SLC16A9: variants seen among roughly 807,000 people sequenced by gnomAD.
SLC16A9 encodes the protein monocarboxylate transporter 9.
In SLC16A9, 26 loss-of-function variants were observed where a neutral mutation model predicts 44.3. The ratio of observed to expected loss-of-function variants is 0.59; its 90% CI spans 0.43 to 0.81. The LOEUF is 0.81. Ranked by LOEUF, SLC16A9 falls within the 40% of genes least tolerant of loss-of-function variation. The pLI is 0.00. For synonymous variants in SLC16A9, 230 were observed against 225.1 expected, an observed-to-expected ratio of 1.02 and a Z score of -0.19; for missense variants, 559 against 595.8, an observed-to-expected ratio of 0.94 and a Z score of 0.64.
At chr10:59,669,610 C>T (rs1225945520) in intron 3 of SLC16A9, among the ~76,000 whole-genome samples, 4 of 152,076 alleles carry the variant, frequency 2.6e-5, no homozygotes, top group African/African-American at 9.7e-5. Context: ...CCCAAGACCA[C>T]GGATCACCTG....
Position 59,652,686 on chromosome 10 carries a change from G to C in SLC16A9, c.*86C>G. The C allele has an allele frequency of 7.9e-7, 1 of 1,267,552 alleles. No homozygotes were observed. Among genetic ancestry groups the C allele is most frequent in the Middle Eastern group, 2.2e-4 (1 of 4,536 alleles). The allele number at this position is 1,267,552 out of a possible 1,614,324, so 78.5% of individuals were successfully genotyped here. A position where few individuals can be genotyped will look rare whatever the true frequency, so the allele number is the denominator to read the frequency against. On this transcript the variant is annotated 3_prime_UTR_variant, in exon 6 of 6. Coordinates refer to ENST00000395348, the MANE Select transcript of SLC16A9 (RefSeq NM_194298.3). ...AATTTTGCTATGAGAAAATAGTCTT[G>C]ACTCTAGAAAATTTGCTTGAGAATC...
rs1839225207 is a variant in SLC16A9 at position 59,652,464 on chromosome 10, T to G, written c.*308A>C. 2 of 204,090 alleles carry G rather than the reference T, an allele frequency of 9.8e-6. No homozygotes were observed. 12.6% of individuals were successfully genotyped at this position (204,090 alleles called of 1,614,324 possible). A position where few individuals can be genotyped will look rare whatever the true frequency, so the allele number is the denominator to read the frequency against. ...AGTCGGCAGAGAAATTATACTTCTTTACACAGAGAAAGCCTTCTGAGGCTG... is the reference window on the plus strand; with the variant it reads ...AGTCGGCAGAGAAATTATACTTCTTGACACAGAGAAAGCCTTCTGAGGCTG... On this transcript the variant is annotated 3_prime_UTR_variant, in exon 6 of 6. Transcript: ENST00000395348.
At chr10:59,681,513 GTATATGTA>G (rs60664650) in intron 2 of SLC16A9, among the ~76,000 whole-genome samples, 1 of 116,378 alleles carries the variant, frequency 8.6e-6, no homozygotes, top group African/African-American at 3.3e-5. Flanking sequence ...TGTATATGAT[GTATATGTA>G]TATGTGTATG....
chr10:59,658,111 C>A (rs927572390), intron 4 of SLC16A9, among the ~76,000 whole-genome samples: 2 of 152,122 alleles, frequency 1.3e-5, no homozygotes, highest in African/African-American at 4.8e-5. Context: ...TTGTCTTAAC[C>A]CAGACATTCC....
intron 1 of SLC16A9, among the ~76,000 whole-genome samples, chr10:59,706,507 A>G (rs1208999161): frequency 1.3e-5 from 2 of 152,192 alleles, no homozygotes; most frequent in African/African-American, 4.8e-5. Flanking sequence ...TATATACCCA[A>G]AGGAAAGCAT....
chr10:59,654,965 C>A (rs1016748302), intron 4 of SLC16A9, among the ~76,000 whole-genome samples: 1 of 152,120 alleles, frequency 6.6e-6, no homozygotes, highest in Admixed American at 6.5e-5. Flanking sequence ...GATTCACACT[C>A]AGTCAGTTTG....
At chr10:59,678,732 A>T (rs1411747322) in intron 2 of SLC16A9, among the ~76,000 whole-genome samples, 3 of 139,668 alleles carry the variant, frequency 2.1e-5, no homozygotes, top group Non-Finnish European at 4.6e-5. Context: ...TTTAGTAGAG[A>T]CGGGTTTTCA....
At chr10:59,677,996 C>T (rs1450594418) in intron 2 of SLC16A9, among the ~76,000 whole-genome samples, 1 of 151,458 alleles carries the variant, frequency 6.6e-6, no homozygotes, top group African/African-American at 2.4e-5. Context: ...CTAACTCGCC[C>T]TCTAGCATTA....
chr10:59,658,369 C>A (rs1202085881), intron 4 of SLC16A9, among the ~76,000 whole-genome samples: 1 of 151,884 alleles, frequency 6.6e-6, no homozygotes, highest in Non-Finnish European at 1.5e-5. Flanking sequence ...CCATTTGTTA[C>A]TCATAAAAAT....
chr10:59,706,580 T>G (rs1356449091), intron 1 of SLC16A9, among the ~76,000 whole-genome samples: 1 of 151,090 alleles, frequency 6.6e-6, no homozygotes, highest in South Asian at 2.1e-4. Context: ...AGCCAAGATA[T>G]GGAATCAACC....
In SLC16A9 at chr10:59,660,772, A is replaced by G. The variant is rs1000126693; in HGVS notation, c.436+3455T>C. Among the ~76,000 whole-genome samples, 13 of 152,184 alleles carry G rather than the reference A, an allele frequency of 8.5e-5. 1 individual carries two copies. The highest frequency in any genetic ancestry group is 2.7e-4 in the African/African-American group (11 of 41,450). On this transcript the variant is annotated intron_variant, in intron 4 of 5. Transcript: ENST00000395348. ...TTCCTCAATAAAATACTGGCAAACC[A>G]AATCCAGCAGCACGTTAAAAAGCTT...
chr10:59,681,696 A>ATATATGTATATGTATATGTATATGATG lies in SLC16A9; in HGVS notation c.196+2373_196+2399dup, dbSNP rs1564705852. Among the ~76,000 whole-genome samples the ATATATGTATATGTATATGTATATGATG allele has an allele frequency of 7.5e-4, 28 of 37,218 alleles. 13 individuals are homozygous for ATATATGTATATGTATATGTATATGATG. Among genetic ancestry groups the ATATATGTATATGTATATGTATATGATG allele is most frequent in the African/African-American group, 4.1e-3 (26 of 6,366 alleles). The allele number at this position is 37,218 out of a possible 152,430, so 24.4% of individuals were successfully genotyped here. The stretch of plus-strand genomic sequence containing the variant: ...TGTATATGTATATGTATATGTATAT[A>ATATATGTATATGTATATGTATATGATG]TATATGTATATGTATATGTATATGA... On this transcript the variant is annotated intron_variant, in intron 2 of 5. Coordinates refer to ENST00000395348, the MANE Select transcript of SLC16A9 (RefSeq NM_194298.3).
intron 2 of SLC16A9, among the ~76,000 whole-genome samples, chr10:59,679,541 A>G (rs1159358928): frequency 3.3e-5 from 5 of 152,190 alleles, no homozygotes; most frequent in African/African-American, 1.2e-4. Context: ...CTTTTGGGAA[A>G]GCTCATTTCT....
intron 1 of SLC16A9, among the ~76,000 whole-genome samples, chr10:59,704,890 T>TAC (rs1242556211): frequency 6.6e-6 from 1 of 152,228 alleles, no homozygotes; most frequent in East Asian, 1.9e-4. Flanking sequence ...CATACTTTAG[T>TAC]ATGTCATGTA....
chr10:59,664,550 A>G (rs1839565200), intron 3 of SLC16A9, among the ~76,000 whole-genome samples: 1 of 152,184 alleles, frequency 6.6e-6, no homozygotes, highest in African/African-American at 2.4e-5. Flanking sequence ...GTAAAAAAGT[A>G]TCCAATTTCT....
chr10:59,678,273 C>G (rs1385009475), intron 2 of SLC16A9, among the ~76,000 whole-genome samples: 3 of 151,934 alleles, frequency 2.0e-5, no homozygotes, highest in Admixed American at 2.0e-4. Context: ...TGTGAAGGTC[C>G]TACCTTTCCA....
chr10:59,676,827 G>A (rs777644676), intron 2 of SLC16A9, among the ~76,000 whole-genome samples: 1 of 151,590 alleles, frequency 6.6e-6, no homozygotes, highest in Non-Finnish European at 1.5e-5. Flanking sequence ...GTAGGCTGAG[G>A]CAGGAGAATT....
chr10:59,659,903 G>A (rs532213452), intron 4 of SLC16A9, among the ~76,000 whole-genome samples: 1 of 152,262 alleles, frequency 6.6e-6, no homozygotes, highest in Admixed American at 6.5e-5. Context: ...AATGACTACT[G>A]AGTAAATAAC....
At position 59,664,241 on chromosome 10, in the gene SLC16A9, C is replaced by A; in HGVS notation, c.422G>T (p.Gly141Val). Residue 141 changes from glycine to valine, a missense_variant, in exon 4 of 6, where the codon GGC becomes GTC. By Grantham distance (109) the Gly-to-Val change is moderately radical. Coordinates refer to ENST00000395348, the MANE Select transcript of SLC16A9 (RefSeq NM_194298.3). ...TGAAAATATACCTGTTGAAATCAGGCCAAGCGCTAGGCCTCGGCGATCGTC... is the reference window on the plus strand; with the variant it reads ...TGAAAATATACCTGTTGAAATCAGGACAAGCGCTAGGCCTCGGCGATCGTC... ...YFDDRRGLAL[G>V]LISTGSSVGL... 1 of 1,610,772 alleles carries A rather than the reference C, an allele frequency of 6.2e-7. No homozygotes were observed.
Sources: gnomAD v4.1 joint callset for allele counts (sites outside exome capture counted in the v4.1 genomes callset) on GRCh38, gnomAD v4.1.1 for gene constraint, MANE v1.5 for transcripts, NCBI Gene and HGNC (gene_info 2026-07-23, HGNC 2026-07-21) for gene names.